The following TCF4 variants were observed in gnomAD, a reference collection of about 807,000 sequenced individuals.
TCF4 encodes the protein SL3-3 enhancer factor 2.
In TCF4, 3 loss-of-function variants were observed where a neutral mutation model predicts 82.1. That is an observed-to-expected ratio of 0.04 (90% CI 0.02 to 0.09). The LOEUF is 0.09. Among genes scored for constraint, TCF4 ranks in the 10% least tolerant of loss-of-function variants. The pLI is 1.00. For missense variants in TCF4, 518 were observed against 852.7 expected, an observed-to-expected ratio of 0.61 and a Z score of 4.89; for synonymous variants, 276 against 309.6, an observed-to-expected ratio of 0.89 and a Z score of 1.14.
At chr18:55,460,177 T>G (rs907159004) in intron 5 of TCF4, among the ~76,000 whole-genome samples, 2 of 152,166 alleles carry the variant, frequency 1.3e-5, no homozygotes, top group Admixed American at 6.5e-5. Flanking sequence ...CTTCACTTAT[T>G]GACAGATTCT....
chr18:55,405,063 A>T (rs554843466), intron 5 of TCF4, among the ~76,000 whole-genome samples: 41 of 152,372 alleles, frequency 2.7e-4, no homozygotes, highest in Non-Finnish European at 4.7e-4. Flanking sequence ...CCATTGTATG[A>T]GGATTTTGCA....
intron 3 of TCF4, chr18:55,496,060 A>T (rs1309040733): frequency 6.6e-6 from 1 of 152,114 alleles, no homozygotes; most frequent in African/African-American, 2.4e-5. Context: ...TATAGCCACA[A>T]GCCTACTATA....
At chr18:55,417,713 G>C (rs2094570377) in intron 5 of TCF4, among the ~76,000 whole-genome samples, 1 of 152,086 alleles carries the variant, frequency 6.6e-6, no homozygotes, top group Non-Finnish European at 1.5e-5. Flanking sequence ...TTTGTCATTA[G>C]GGACAACGTA....
intron 6 of TCF4, among the ~76,000 whole-genome samples, chr18:55,372,146 G>GGTGTGT (rs1049838347): frequency 6.6e-6 from 1 of 151,850 alleles, no homozygotes; most frequent in African/African-American, 2.4e-5. Context: ...AATGATACTG[G>GGTGTGT]GTGTGTGTGT....
At chr18:55,501,842 A>C (rs1032870408) in intron 3 of TCF4, among the ~76,000 whole-genome samples, 1 of 152,150 alleles carries the variant, frequency 6.6e-6, no homozygotes, top group African/African-American at 2.4e-5. Flanking sequence ...GTCTTCTTTC[A>C]ACAGAAGAGG....
intron 6 of TCF4, among the ~76,000 whole-genome samples, chr18:55,390,707 A>G (rs1016778372): frequency 6.6e-6 from 1 of 152,218 alleles, no homozygotes; most frequent in East Asian, 1.9e-4. Context: ...GGCTAGTACA[A>G]TTACCTAAAT....
At chr18:55,302,732 G>A in intron 8 of TCF4, 1 of 959,490 alleles carries the variant, frequency 1.0e-6, no homozygotes, top group East Asian at 2.9e-5. Context: ...GACAAGCCCA[G>A]CCACCCAAAT....
At chr18:55,234,097 C>T (rs185430423) in intron 16 of TCF4, among the ~76,000 whole-genome samples, 4 of 152,084 alleles carry the variant, frequency 2.6e-5, no homozygotes, top group Non-Finnish European at 5.9e-5. Flanking sequence ...CATTAGAGGG[C>T]TAGATGACTC....
chr18:55,257,484 C>T (rs2057133138), intron 13 of TCF4, 93 bp from the exon 14 acceptor site: 1 of 1,210,272 alleles, frequency 8.3e-7, no homozygotes, highest in African/African-American at 1.5e-5. Flanking sequence ...ATGGCAATGG[C>T]AATGATGATT....
rs546176704 is a variant in TCF4, at chr18:55,337,703, G to A, written c.549+12656C>T. On this transcript the variant is annotated intron_variant, in intron 8 of 19. Transcript: ENST00000354452. ...TGGTGATAATTTAAAAATATCTTTG[G>A]GTGTCTGTATACAAGGGAGTATCCC... is the stretch of plus-strand genomic sequence containing the variant. Among the ~76,000 whole-genome samples, 132 of 152,026 alleles carry A rather than the reference G, an allele frequency of 8.7e-4. 1 individual carries two copies. The highest frequency in any genetic ancestry group is 6.8e-3 in the Middle Eastern group (2 of 294).
At chr18:55,337,846 C>T (rs148495546) in intron 8 of TCF4, among the ~76,000 whole-genome samples, 72 of 152,226 alleles carry the variant, frequency 4.7e-4, no homozygotes, top group African/African-American at 1.7e-3. Flanking sequence ...CATCTGTTTA[C>T]CTTTTTCATC....
chr18:55,563,502 C>T (rs1248635834), intron 3 of TCF4, among the ~76,000 whole-genome samples: 2 of 152,186 alleles, frequency 1.3e-5, no homozygotes, highest in East Asian at 3.9e-4. Flanking sequence ...ATGAGTAATA[C>T]ACATGAAAGA....
In TCF4 at chr18:55,503,220, A is replaced by T. The variant is rs572681938; in HGVS notation, c.146-39083T>A. The stretch of plus-strand genomic sequence containing the variant: ...TGTGTCAAACTTTGAAGGTCTATAG[A>T]AACAATGCAGTGGATATCAGAAATA... On this transcript the variant is annotated intron_variant, in intron 3 of 19. Transcript: ENST00000354452. 2.1e-4 allele frequency among the ~76,000 whole-genome samples: 32 copies of T among 152,366 alleles called. No individual in the cohort carries two copies. In the South Asian group the frequency reaches 5.2e-3, roughly 25 times the overall value.
intron 3 of TCF4, among the ~76,000 whole-genome samples, chr18:55,560,212 T>C (rs2097343063): frequency 6.6e-6 from 1 of 152,136 alleles, no homozygotes; most frequent in Non-Finnish European, 1.5e-5. Flanking sequence ...CCCATGATGA[T>C]CCAGAAATAC....
intron 3 of TCF4, among the ~76,000 whole-genome samples, chr18:55,534,668 G>T (rs376240944): frequency 2.6e-5 from 4 of 152,222 alleles, no homozygotes; most frequent in South Asian, 4.1e-4. Flanking sequence ...AGCAAATCAG[G>T]ACTCTTCTCA....
chr18:55,279,803 C>A, intron 8 of TCF4, 147 bp from the exon 9 acceptor site: 1 of 1,272,378 alleles, frequency 7.9e-7, no homozygotes, highest in Non-Finnish European at 1.1e-6. Context: ...AGTGCCCTTT[C>A]CGAACACACT....
At chr18:55,401,033 G>C in intron 6 of TCF4, 1 of 1,289,096 alleles carries the variant, frequency 7.8e-7, no homozygotes, top group Non-Finnish European at 1.0e-6. Context: ...TTTCAGCTGT[G>C]ATCTGCTATT....
chr18:55,316,389 C>T (rs2074139401), intron 8 of TCF4, among the ~76,000 whole-genome samples: 1 of 152,000 alleles, frequency 6.6e-6, no homozygotes, highest in Non-Finnish European at 1.5e-5. Flanking sequence ...ATGTATTTGA[C>T]CTACAATAGT....
At chr18:55,526,834 T>C (rs1374089035) in intron 3 of TCF4, among the ~76,000 whole-genome samples, 1 of 152,184 alleles carries the variant, frequency 6.6e-6, no homozygotes, top group Non-Finnish European at 1.5e-5. Context: ...TAACCTTTGC[T>C]GGGTCACAAA....
Sources: allele counts gnomAD v4.1 joint callset (sites outside exome capture counted in the v4.1 genomes callset), GRCh38; gene constraint gnomAD v4.1.1; transcripts MANE v1.5; gene names NCBI Gene and HGNC (gene_info 2026-07-23, HGNC 2026-07-21).